NEK6: variants seen among roughly 807,000 people sequenced by gnomAD.
NEK6 encodes serine/threonine-protein kinase Nek6.
In NEK6, 27 loss-of-function variants were observed where a neutral mutation model predicts 43.5. That is an observed-to-expected ratio of 0.62 (90% CI 0.46 to 0.86). NEK6 has a LOEUF of 0.86. Among genes scored for constraint, NEK6 ranks in the 40% least tolerant of loss-of-function variants. The probability of loss-of-function intolerance (pLI) is 0.00; values close to 1 mark genes in which losing one functional copy is unlikely to be tolerated. For missense variants in NEK6, 318 were observed against 414.4 expected (o/e 0.77, Z 2.02); for synonymous variants, 167 against 164.1 (o/e 1.02, Z -0.14).
At chr9:124,267,282 C>T (rs879610899) in intron 1 of NEK6, among the ~76,000 whole-genome samples, 3 of 152,354 alleles carry the variant, frequency 2.0e-5, no homozygotes, top group Middle Eastern at 3.4e-3. Context: ...GCCCAGATGG[C>T]AGGATCACTG....
In NEK6 at chr9:124,335,650, G is replaced by A. The variant is rs547254490; in HGVS notation, c.623-3921G>A. Among the ~76,000 whole-genome samples the A allele has an allele frequency of 5.9e-5, 9 of 152,324 alleles. No homozygotes were observed. The South Asian group carries it at 1.2e-3, about 21-fold the overall frequency. ...AGGCGGACTCATTCATCCAGTGAGC[G>A]GACGCCCACAAGGCACCCACTATGA... On this transcript the variant is annotated intron_variant, in intron 7 of 9. Transcript: ENST00000320246.
intron 8 of NEK6, among the ~76,000 whole-genome samples, chr9:124,344,828 A>AT (rs1245518452): frequency 1.3e-5 from 2 of 152,174 alleles, no homozygotes; most frequent in Admixed American, 6.5e-5. Flanking sequence ...CAAGGGGAAG[A>AT]TCTGCGGAGC....
chr9:124,279,764 C>T (rs1163274932), intron 1 of NEK6, among the ~76,000 whole-genome samples: 1 of 152,242 alleles, frequency 6.6e-6, no homozygotes, highest in East Asian at 1.9e-4. Flanking sequence ...TGGCACCACC[C>T]AGTCACTCCC....
chr9:124,271,140 AGACACAC>A (rs1831419987), intron 1 of NEK6, among the ~76,000 whole-genome samples: 1 of 152,276 alleles, frequency 6.6e-6, no homozygotes, highest in Non-Finnish European at 1.5e-5. Context: ...CTGGTGCCAA[AGACACAC>A]CATGGTCAGC....
At chr9:124,329,132 A>T (rs945747665) in intron 7 of NEK6, among the ~76,000 whole-genome samples, 1 of 152,082 alleles carries the variant, frequency 6.6e-6, no homozygotes, top group African/African-American at 2.4e-5. Context: ...CGGGCCACTG[A>T]CTCTCCGTTG....
intron 7 of NEK6, among the ~76,000 whole-genome samples, chr9:124,332,358 A>G (rs1412667625): frequency 6.6e-6 from 1 of 151,974 alleles, no homozygotes; most frequent in Non-Finnish European, 1.5e-5. Flanking sequence ...AAGTCTGCAG[A>G]GGTCAGGGGG....
intron 8 of NEK6, among the ~76,000 whole-genome samples, chr9:124,341,360 CG>C (rs1829613596): frequency 6.6e-6 from 1 of 151,838 alleles, no homozygotes; most frequent in African/African-American, 2.4e-5. Flanking sequence ...CCCCTTCTCC[CG>C]GGGCTCAGCA....
At chr9:124,318,182 ATC>A (rs1588505660) in intron 4 of NEK6, among the ~76,000 whole-genome samples, 1 of 152,094 alleles carries the variant, frequency 6.6e-6, no homozygotes, top group Non-Finnish European at 1.5e-5. Context: ...CCTCACCAAC[ATC>A]TGTTATTTTT....
intron 1 of NEK6, among the ~76,000 whole-genome samples, chr9:124,293,478 A>G (rs886200937): frequency 1.3e-5 from 2 of 152,244 alleles, no homozygotes; most frequent in Non-Finnish European, 2.9e-5. Flanking sequence ...AGATGTTTAC[A>G]GCTTCTGCAT....
chr9:124,300,899 T>A (rs1324021772), intron 1 of NEK6, among the ~76,000 whole-genome samples: 3 of 152,140 alleles, frequency 2.0e-5, no homozygotes, highest in Non-Finnish European at 4.4e-5. Flanking sequence ...TAGGATGTGG[T>A]CACATGAGAG....
intron 4 of NEK6, among the ~76,000 whole-genome samples, chr9:124,319,920 G>A (rs1446513645): frequency 2.0e-5 from 3 of 152,136 alleles, no homozygotes; most frequent in East Asian, 1.9e-4. Flanking sequence ...TTTGTGTGCC[G>A]CCTTCTGAAG....
At chr9:124,333,126 G>T (rs558811113) in intron 7 of NEK6, among the ~76,000 whole-genome samples, 1 of 152,242 alleles carries the variant, frequency 6.6e-6, no homozygotes, top group African/African-American at 2.4e-5. Context: ...CTCTCCTGGC[G>T]TCTGGGGATG....
intron 1 of NEK6, among the ~76,000 whole-genome samples, chr9:124,258,937 T>C (rs1385823247): frequency 6.6e-6 from 1 of 152,258 alleles, no homozygotes; most frequent in Non-Finnish European, 1.5e-5. Flanking sequence ...CCTGTCTTTG[T>C]TCTTGTCTCT....
chr9:124,290,354 G>A (rs1196249344), intron 1 of NEK6, among the ~76,000 whole-genome samples: 1 of 152,372 alleles, frequency 6.6e-6, no homozygotes, highest in African/African-American at 2.4e-5. Context: ...CCCAGGGCCT[G>A]TGGATGGCTG....
chr9:124,304,934 A>G lies in NEK6; in HGVS notation c.90+2880A>G, dbSNP rs188269600. Among the ~76,000 whole-genome samples, 328 of 152,360 alleles carry G rather than the reference A, an allele frequency of 2.2e-3. 2 individuals carry two copies. The highest frequency in any genetic ancestry group is 7.5e-3 in the African/African-American group (312 of 41,582). On this transcript the variant is annotated intron_variant, in intron 2 of 9. Transcript: ENST00000320246. ...TGCCTCATGCTTTTTAAATTTTACC[A>G]ATGTGCTGCAGAGAGCTTTCATTGG...
At chr9:124,315,612 T>C (rs989691711) in intron 4 of NEK6, among the ~76,000 whole-genome samples, 11 of 152,338 alleles carry the variant, frequency 7.2e-5, no homozygotes, top group African/African-American at 2.4e-4. Context: ...GATCACCCAT[T>C]GCCCCCTCCC....
chr9:124,291,219 G>A (rs148268505), intron 1 of NEK6, among the ~76,000 whole-genome samples: 338 of 152,314 alleles, frequency 2.2e-3, no homozygotes, highest in Non-Finnish European at 4.3e-3. Flanking sequence ...ACTGGGACGT[G>A]GCTAAGCCAG....
intron 2 of NEK6, among the ~76,000 whole-genome samples, chr9:124,308,623 T>C (rs1217813366): frequency 1.4e-5 from 2 of 144,346 alleles, no homozygotes; most frequent in East Asian, 2.0e-4. Flanking sequence ...GCCACAGCGC[T>C]CCAGCCTGGG....
At chr9:124,327,518 TC>T in intron 7 of NEK6, 73 bp downstream of exon 7, 1 of 1,159,916 alleles carries the variant, frequency 8.6e-7, no homozygotes, top group Non-Finnish European at 1.3e-6. Flanking sequence ...GCAAACATTC[TC>T]CCCACGTGTG....
Sources: gnomAD v4.1 joint callset for allele counts (sites outside exome capture counted in the v4.1 genomes callset) on GRCh38, gnomAD v4.1.1 for gene constraint, MANE v1.5 for transcripts, NCBI Gene and HGNC (gene_info 2026-07-23, HGNC 2026-07-21) for gene names.